Variants in ZNF417 observed in about 807,000 individuals in gnomAD.
ZNF417 encodes zinc finger protein 417.
In ZNF417, 5 loss-of-function variants were observed where a neutral mutation model predicts 7.4. The observed-to-expected ratio is 0.68, with a 90% CI of 0.35 to 1.43. ZNF417 has a LOEUF of 1.43. ZNF417 is among the 40% of genes most tolerant of loss of function. The pLI is 0.04. For synonymous variants in ZNF417, 147 were observed against 239.1 expected (o/e 0.61, Z 3.55); for missense variants, 437 against 697.3 (o/e 0.63, Z 4.20).
In ZNF417 at chr19:57,909,053, C is replaced by T. The variant is rs1258664290; in HGVS notation, c.1225G>A (p.Glu409Lys). The T allele has an allele frequency of 1.2e-6, 2 of 1,614,196 alleles. No homozygotes were observed. Among genetic ancestry groups the T allele is most frequent in the Non-Finnish European group, 1.7e-6 (2 of 1,180,034 alleles). The change falls in exon 3 of 3, where the codon GAG becomes AAG. Residue 409 changes from glutamate (E) to lysine (K), a missense_variant. Around this residue, in one of 5 missense-constraint regions of ZNF417, gnomAD observed 233 missense variants for 235.5 expected, o/e 0.99. Coordinates refer to ENST00000312026, the MANE Select transcript of ZNF417 (RefSeq NM_152475.3). ...QRGHTGERPY[E>K]CKECGKSFRY... ...AATGATTTCCCACATTCCTTGCACT[C>T]ATAGGGCCTTTCTCCAGTATGACCT...
chr19:57,908,438 A>G lies in ZNF417; in HGVS notation c.*112T>C. The G allele has an allele frequency of 3.8e-6, 6 of 1,577,040 alleles. No homozygotes were observed. Among genetic ancestry groups the G allele is most frequent in the Non-Finnish European group, 5.2e-6 (6 of 1,153,912 alleles). On this transcript the variant is annotated 3_prime_UTR_variant, in exon 3 of 3. Coordinates refer to ENST00000312026, the MANE Select transcript of ZNF417 (RefSeq NM_152475.3). ...TCTCTTAAGACCAAGGAGAGCAGAC[A>G]TTCTGATGTTTCCCAGATTGACAGC...
Position 57,908,955 on chromosome 19 carries a change from A to G in ZNF417, c.1323T>C (p.Cys441=). 3 of 1,613,970 alleles carry G rather than the reference A, an allele frequency of 1.9e-6. No individual in the cohort carries two copies. Among genetic ancestry groups the G allele is most frequent in the Non-Finnish European group, 2.5e-6 (3 of 1,179,954 alleles). Residue 441 remains cysteine, a synonymous_variant, in exon 3 of 3, where the codon TGT becomes TGC. Coordinates refer to ENST00000312026, the MANE Select transcript of ZNF417 (RefSeq NM_152475.3). ...GATACTTCCTGTTAAATAATTTCCC[A>G]CATTCCCTACAATTGTAAGGTCTTT... ...TGERPYNCRE[C]GKLFNRKYHL... is the part of the protein sequence containing the mutation.
intron 1 of ZNF417, among the ~76,000 whole-genome samples, 183 bp downstream of exon 1, chr19:57,916,196 A>ACCCACTGGACAGTTACACAGGGACC (rs375078585): frequency 6.6e-6 from 1 of 152,210 alleles, no homozygotes; most frequent in Non-Finnish European, 1.5e-5. Context: ...GGCAAGGTGA[A>ACCCACTGGACAGTTACACAGGGACC]CCCACTGGAC....
Position 57,907,705 on chromosome 19 carries a change from G to C in ZNF417, c.*845C>G, listed in dbSNP as rs2071847507. 1 of 154,818 alleles carries C rather than the reference G, an allele frequency of 6.5e-6. No individual in the cohort carries two copies. The highest frequency in any genetic ancestry group is 2.0e-4 in the South Asian group (1 of 4,928). The allele number at this position is 154,818 out of a possible 1,614,324, so 9.6% of individuals were successfully genotyped here. A position where few individuals can be genotyped will look rare whatever the true frequency, so the allele number is the denominator to read the frequency against. ...ACAGTGTCGACATTCATGCAAGTGGGGAAATGGGCATGTGGCCCCTGAAAA... is the reference window on the plus strand; with the variant it reads ...ACAGTGTCGACATTCATGCAAGTGGCGAAATGGGCATGTGGCCCCTGAAAA... On this transcript the variant is annotated 3_prime_UTR_variant, in exon 3 of 3. Transcript: ENST00000312026.
intron 2 of ZNF417, among the ~76,000 whole-genome samples, chr19:57,911,006 T>C (rs2071894499): frequency 2.0e-5 from 3 of 152,166 alleles, no homozygotes; most frequent in African/African-American, 4.8e-5. Context: ...GATTGTGCCA[T>C]TGCACTCCAG....
intron 1 of ZNF417, chr19:57,915,702 ACC>A: frequency 2.5e-6 from 1 of 399,556 alleles, no homozygotes; most frequent in Non-Finnish European, 4.4e-6. Context: ...TCCTGAAAAG[ACC>A]CCCTTCTTGC....
chr19:57,906,913 G>A lies in ZNF417; in HGVS notation c.*1637C>T, dbSNP rs2071836548. ...TCTGTCACCAGGCTGGAGTGCAGTG[G>A]TGCAATCTCGGCTCACTGCAACCTA... On this transcript the variant is annotated 3_prime_UTR_variant, in exon 3 of 3. Coordinates refer to ENST00000312026, the MANE Select transcript of ZNF417 (RefSeq NM_152475.3). The A allele has an allele frequency of 7.3e-6, 1 of 137,142 alleles. No individual in the cohort carries two copies. The highest frequency in any genetic ancestry group is 7.5e-5 in the Admixed American group (1 of 13,370). The allele number at this position is 137,142 out of a possible 1,614,324, so 8.5% of individuals were successfully genotyped here.
At position 57,906,535 on chromosome 19, in the gene ZNF417, G is replaced by T. The variant is rs1306233174; in HGVS notation, c.*2015C>A. 1.3e-5 allele frequency among the ~76,000 whole-genome samples: 2 copies of T among 151,746 alleles called. No individual in the cohort carries two copies. Among genetic ancestry groups the T allele is most frequent in the Non-Finnish European group, 2.9e-5 (2 of 67,980 alleles). On this transcript the variant is annotated 3_prime_UTR_variant, in exon 3 of 3. Coordinates refer to ENST00000312026, the MANE Select transcript of ZNF417 (RefSeq NM_152475.3). ...CCCAGCACTTTAGGAGGCTGAGGGG[G>T]GTGGATCATGAGGTCACAAGTTTGA...
At position 57,906,750 on chromosome 19, in the gene ZNF417, G is replaced by T. The variant is rs2122508493; in HGVS notation, c.*1800C>A. The T allele has an allele frequency of 5.7e-5, 2 of 34,866 alleles. No individual in the cohort carries two copies. The highest frequency in any genetic ancestry group is 3.7e-4 in the Admixed American group (1 of 2,696). The allele number at this position is 34,866 out of a possible 1,614,324, so 2.2% of individuals were successfully genotyped here. On this transcript the variant is annotated 3_prime_UTR_variant, in exon 3 of 3. Coordinates refer to ENST00000312026, the MANE Select transcript of ZNF417 (RefSeq NM_152475.3). ...CACTTCAGCCTGGGTGACAGAGTGA[G>T]ACTCTGTCTCAAAAAAAAAAAAAAA...
chr19:57,912,418 G>T (rs1449034482), intron 1 of ZNF417, among the ~76,000 whole-genome samples: 1 of 152,086 alleles, frequency 6.6e-6, no homozygotes, highest in Admixed American at 6.6e-5. Context: ...ACATAAAAAG[G>T]TCCATCCCCT....
chr19:57,912,299 G>A, intron 1 of ZNF417, 110 bp from the exon 2 acceptor site: 1 of 1,540,178 alleles, frequency 6.5e-7, no homozygotes, highest in African/African-American at 1.4e-5. Context: ...CCCCAACATA[G>A]TGTTGAAACT....
rs1268834567 is a variant in ZNF417, at chr19:57,909,400, T to G, written c.878A>C (p.Lys293Thr). The part of the protein sequence containing the change: ...LIQHQRVHTG[K>T]TAYPCEECGK... ...GCACTCCTCACAGGGATAAGCTGTC[T>G]TTCCAGTGTGGACTCGCTGATGTTG... The change falls in exon 3 of 3, where the codon AAG becomes ACG. Residue 293 changes from lysine to threonine, a missense_variant. Physicochemically the swap from Lys to Thr is moderately conservative, Grantham distance 78. Coordinates refer to ENST00000312026, the MANE Select transcript of ZNF417 (RefSeq NM_152475.3). 2.5e-6 allele frequency: 4 copies of G among 1,614,094 alleles called. No individual in the cohort carries two copies. The African/African-American group carries it at 5.3e-5, about 22-fold the overall frequency.
At chr19:57,912,883 A>G (rs1053016118) in intron 1 of ZNF417, among the ~76,000 whole-genome samples, 2 of 151,874 alleles carry the variant, frequency 1.3e-5, no homozygotes, top group African/African-American at 4.8e-5. Flanking sequence ...CAAAAGTGAG[A>G]TTACAGGGGT....
chr19:57,910,078 C>A lies in ZNF417; in HGVS notation c.200G>T (p.Cys67Phe). ...WCGSKDEEAPCKQRISVQRES... is the reference protein window; with the variant it reads ...WCGSKDEEAPFKQRISVQRES... Reference sequence around the variant, plus strand: ...TCTTTGTACAGAAATTCTCTGCTTACAAGGTGCCTCCTCATCTTTTGATCC... The same window carrying A: ...TCTTTGTACAGAAATTCTCTGCTTAAAAGGTGCCTCCTCATCTTTTGATCC... Residue 67 changes from cysteine (C) to phenylalanine (F), a missense_variant, in exon 3 of 3, where the codon TGT (cysteine) becomes TTT (phenylalanine). By Grantham distance (205) the Cys-to-Phe change is radical (BLOSUM62 -2). Around this residue, in one of 5 missense-constraint regions of ZNF417, gnomAD observed 60 missense variants for 266.0 expected, o/e 0.23. Transcript: ENST00000312026. The A allele has an allele frequency of 6.3e-7, 1 of 1,585,438 alleles. No individual in the cohort carries two copies. The highest frequency in any genetic ancestry group is 1.4e-5 in the African/African-American group (1 of 73,406).
chr19:57,911,440 C>T (rs1011524131), intron 2 of ZNF417, among the ~76,000 whole-genome samples: 2 of 152,174 alleles, frequency 1.3e-5, no homozygotes, highest in African/African-American at 2.4e-5. Flanking sequence ...TCCCTTTGAG[C>T]CTATCGTGAT....
chr19:57,914,699 A>AG (rs1729361147), intron 1 of ZNF417, among the ~76,000 whole-genome samples: 1 of 152,190 alleles, frequency 6.6e-6, no homozygotes, highest in South Asian at 2.1e-4. Flanking sequence ...GCCGGTAGCC[A>AG]GTAGAACTGT....
rs367848749 is a variant in ZNF417 at position 57,913,654 on chromosome 19, C to T, written c.34-1465G>A. Among the ~76,000 whole-genome samples the T allele has an allele frequency of 1.6e-3, 241 of 152,312 alleles. 8 individuals carry two copies. In the South Asian group the frequency reaches 0.049, roughly 31 times the overall value. ...TCAGGCAGAAGTGTCATCTTCCTTA[C>T]TCCTATGCTTCTGCATGCATCTATC... is the stretch of plus-strand genomic sequence containing the variant. On this transcript the variant is annotated intron_variant, in intron 1 of 2. Transcript: ENST00000312026.
Position 57,916,504 on chromosome 19 carries a change from C to T in ZNF417, c.-93G>A, listed in dbSNP as rs1192976480. 28 of 1,602,384 alleles carry T rather than the reference C, an allele frequency of 1.7e-5. 1 individual carries two copies. The East Asian group carries it at 5.4e-4, about 31-fold the overall frequency. Reference sequence around the variant, plus strand: ...GGCACCGAGGACGATTCCTCTCCACCTTCTAGGTTCAGTCACCGCGGTCCC... The same window carrying T: ...GGCACCGAGGACGATTCCTCTCCACTTTCTAGGTTCAGTCACCGCGGTCCC... On this transcript the variant is annotated 5_prime_UTR_variant, in exon 1 of 3. Transcript: ENST00000312026.
Position 57,909,093 on chromosome 19 carries a change from G to A in ZNF417, c.1185C>T (p.Leu395=), listed in dbSNP as rs1359926591. The change falls in exon 3 of 3, where the codon CTC becomes CTT. Residue 395 remains leucine (L), a synonymous_variant. Coordinates refer to ENST00000312026, the MANE Select transcript of ZNF417 (RefSeq NM_152475.3). ...CGKSFGQKGN[L]VQHQRGHTGE... ...CAGTATGACCTCGCTGATGTTGAAC[G>A]AGGTTGCCCTTTTGACCAAAAGATT... 1.5e-5 allele frequency: 25 copies of A among 1,613,908 alleles called. No individual in the cohort carries two copies. Among genetic ancestry groups the A allele is most frequent in the South Asian group, 5.5e-5 (5 of 91,070 alleles).
Sources: gnomAD v4.1 joint callset for allele counts (sites outside exome capture counted in the v4.1 genomes callset) on GRCh38, gnomAD v4.1.1 for gene constraint, gnomAD v4.1.1 regional missense constraint, MANE v1.5 for transcripts, NCBI Gene and HGNC (gene_info 2026-07-23, HGNC 2026-07-21) for gene names.